Variants in AIFM3 observed in about 807,000 individuals in gnomAD.
The protein encoded by AIFM3 is apoptosis-inducing factor 3.
A neutral mutation model predicts 82.7 loss-of-function variants in AIFM3; 71 were observed. That is an observed-to-expected ratio of 0.86 (90% CI 0.71 to 1.05). The LOEUF is 1.05. Ranked by LOEUF, AIFM3 falls within the 50% of genes least tolerant of loss-of-function variation. The probability of loss-of-function intolerance (pLI) is 0.00; values close to 1 mark genes in which losing one functional copy is unlikely to be tolerated. For synonymous variants in AIFM3, 337 were observed against 329.1 expected (o/e 1.02, Z -0.26); for missense variants, 748 against 816.7 (o/e 0.92, Z 1.03).
intron 17 of AIFM3, 57 bp from the exon 18 acceptor site, chr22:20,979,569 TG>T: frequency 1.3e-6 from 2 of 1,596,898 alleles, no homozygotes; most frequent in South Asian, 2.2e-5. Context: ...GGGGATCCTG[TG>T]ACGTCTCGTT....
rs149749799 is a variant in AIFM3, at chr22:20,973,788, G to A, written c.276G>A (p.Lys92=). Residue 92 remains lysine, a synonymous_variant, in exon 4 of 21, where the codon AAG becomes AAA. Transcript: ENST00000440238. ...QMREVELGWG[K]VLLVKDNGEF... is the part of the protein sequence containing the mutation. ...GGGAAGTGGAGCTGGGCTGGGGGAA[G>A]GTGTTGCTGGTGAAGGACAATGGGG... 1.6e-4 allele frequency: 258 copies of A among 1,581,376 alleles called. No individual in the cohort carries two copies. The African/African-American group carries it at 3.3e-3, about 20-fold the overall frequency.
chr22:20,973,323 G>A lies in AIFM3; in HGVS notation c.48G>A (p.Glu16=). Residue 16 remains glutamate (E), a synonymous_variant, in exon 3 of 21, where the codon GAG becomes GAA. Coordinates refer to ENST00000440238, the MANE Select transcript of AIFM3 (RefSeq NM_001386814.1). ...SKPKPVELKI[E]VVLPEKERGK... ...TGCCCACAGTGGAGCTCAAGATCGA[G>A]GTGGTGCTGCCTGAGAAGGAGCGAG... is the stretch of plus-strand genomic sequence containing the variant. 1.3e-6 allele frequency: 2 copies of A among 1,594,168 alleles called. No homozygotes were observed. Among genetic ancestry groups the A allele is most frequent in the Non-Finnish European group, 1.7e-6 (2 of 1,170,854 alleles).
rs545876573 is a variant in AIFM3 at position 20,974,831 on chromosome 22, G to A, written c.720+15G>A. The A allele has an allele frequency of 2.5e-6, 4 of 1,610,758 alleles. No homozygotes were observed. The highest frequency in any genetic ancestry group is 3.3e-5 in the Admixed American group (2 of 59,986). ...AGCTCAGCAAGGTACAGGGGGTGGG[G>A]CAAGTAGGGACCCTATCCCTCTGGG... is the stretch of plus-strand genomic sequence containing the variant. On this transcript the variant is annotated intron_variant, in intron 8 of 20. Coordinates refer to ENST00000440238, the MANE Select transcript of AIFM3 (RefSeq NM_001386814.1).
chr22:20,968,524 C>A (rs963161827), intron 2 of AIFM3, among the ~76,000 whole-genome samples: 1 of 152,126 alleles, frequency 6.6e-6, no homozygotes, highest in Non-Finnish European at 1.5e-5. Flanking sequence ...GGGCACACTT[C>A]CCCATTTATA....
Position 20,974,889 on chromosome 22 carries a change from C to T in AIFM3, c.720+73C>T, listed in dbSNP as rs1601705169. The T allele has an allele frequency of 4.7e-6, 7 of 1,503,966 alleles. No homozygotes were observed. The East Asian group carries it at 1.1e-4, about 25-fold the overall frequency. The allele number at this position is 1,503,966 out of a possible 1,614,324, so 93.2% of individuals were successfully genotyped here. ...TAAGCCCACTTCAAGCCTTGCTTGTCACCCCATTGGGGTCTGGCCGGCTGC... is the reference window on the plus strand; with the variant it reads ...TAAGCCCACTTCAAGCCTTGCTTGTTACCCCATTGGGGTCTGGCCGGCTGC... On this transcript the variant is annotated intron_variant, in intron 8 of 20. Transcript: ENST00000440238.
At chr22:20,973,256 G>A in intron 2 of AIFM3, 51 bp from the exon 3 acceptor site, 1 of 1,545,282 alleles carries the variant, frequency 6.5e-7, no homozygotes, top group African/African-American at 1.4e-5. Context: ...TTGAGGGATG[G>A]GGGAGGAAGT....
intron 16 of AIFM3, among the ~76,000 whole-genome samples, chr22:20,978,835 G>T (rs2147949316): frequency 6.6e-6 from 1 of 152,118 alleles, no homozygotes; most frequent in Admixed American, 6.5e-5. Context: ...GGTCTACTGG[G>T]GCCTCATAGG....
intron 6 of AIFM3, 41 bp downstream of exon 6, chr22:20,974,337 G>T (rs531417896): frequency 6.2e-7 from 1 of 1,606,334 alleles, no homozygotes; most frequent in African/African-American, 1.3e-5. Flanking sequence ...GGGAGGAGCC[G>T]GGAGGGCATC....
chr22:20,978,104 A>T, intron 16 of AIFM3, 99 bp downstream of exon 16: 1 of 858,806 alleles, frequency 1.2e-6, no homozygotes, highest in South Asian at 1.5e-5. Flanking sequence ...GGTCCTGGAC[A>T]CTGTTAGGCA....
At chr22:20,978,624 T>C (rs1376220998) in intron 16 of AIFM3, among the ~76,000 whole-genome samples, 1 of 152,008 alleles carries the variant, frequency 6.6e-6, no homozygotes, top group Non-Finnish European at 1.5e-5. Context: ...AAAGGACTTC[T>C]CTGCACCCAT....
In AIFM3 at chr22:20,977,200, AC is replaced by A. The variant is rs577512026; in HGVS notation, c.1282+107del. 488 of 1,487,790 alleles carry A rather than the reference AC, an allele frequency of 3.3e-4. 6 individuals carry two copies. In the South Asian group the frequency reaches 5.6e-3, roughly 17 times the overall value. The allele number at this position is 1,487,790 out of a possible 1,614,324, so 92.2% of individuals were successfully genotyped here. On this transcript the variant is annotated intron_variant, in intron 14 of 20. Coordinates refer to ENST00000440238, the MANE Select transcript of AIFM3 (RefSeq NM_001386814.1). ...TTCCCCTCCCAGAGCCTCAGTTTCC[AC>A]CACATCTGTCAAATGGGAACCCCCA...
intron 2 of AIFM3, 122 bp downstream of exon 2, chr22:20,968,097 C>A: frequency 1.0e-6 from 1 of 997,376 alleles, no homozygotes; most frequent in Non-Finnish European, 1.5e-6. Flanking sequence ...ATCCAAGAAC[C>A]CGCTCGGAAT....
At chr22:20,968,046 T>G in intron 2 of AIFM3, 71 bp downstream of exon 2, 5 of 1,372,568 alleles carry the variant, frequency 3.6e-6, no homozygotes, top group South Asian at 2.7e-5. Context: ...CTCCCCCCCC[T>G]CCCCCTCTGC....
intron 2 of AIFM3, among the ~76,000 whole-genome samples, chr22:20,970,520 G>A (rs1293621139): frequency 6.6e-6 from 1 of 152,076 alleles, no homozygotes; most frequent in Non-Finnish European, 1.5e-5. Context: ...GAGTGCAATG[G>A]CTTGATCTTG....
At position 20,977,310 on chromosome 22, in the gene AIFM3, G is replaced by A. The variant is rs573935231; in HGVS notation, c.1282+215G>A. The A allele has an allele frequency of 3.1e-4, 198 of 642,902 alleles. 2 individuals are homozygous for A. In the Middle Eastern group the frequency reaches 6.0e-3, roughly 19 times the overall value. 39.8% of individuals were successfully genotyped at this position (642,902 alleles called of 1,614,324 possible). ...GGCACAGTGGATGCTCCCAGTGCCCGCTGCCCAGTAACACTCATCTCCATG... is the reference window on the plus strand; with the variant it reads ...GGCACAGTGGATGCTCCCAGTGCCCACTGCCCAGTAACACTCATCTCCATG... On this transcript the variant is annotated intron_variant, in intron 14 of 20. Transcript: ENST00000440238.
In AIFM3 at chr22:20,979,379, G is replaced by A. The variant is rs773938418; in HGVS notation, c.1576+10G>A. The A allele has an allele frequency of 3.2e-6, 5 of 1,550,264 alleles. No homozygotes were observed. The highest frequency in any genetic ancestry group is 2.0e-5 in the Admixed American group (1 of 51,064). ...AGCCTGCGCTACGCGGGTAACCCCG[G>A]GGCCTCGGATGGGGGCGGGGCCGAG... On this transcript the variant is annotated intron_variant, in intron 17 of 20. Coordinates refer to ENST00000440238, the MANE Select transcript of AIFM3 (RefSeq NM_001386814.1).
At chr22:20,979,764 C>A in intron 18 of AIFM3, 62 bp downstream of exon 18, 1 of 1,586,360 alleles carries the variant, frequency 6.3e-7, no homozygotes, top group South Asian at 1.1e-5. Flanking sequence ...AAGGGGGATT[C>A]ATCCCAGGCA....
chr22:20,975,946 G>A lies in AIFM3; in HGVS notation c.807+168G>A, dbSNP rs531743352. Among the ~76,000 whole-genome samples, 16 of 152,370 alleles carry A rather than the reference G, an allele frequency of 1.1e-4. No homozygotes were observed. The Middle Eastern group carries it at 0.01, about 97-fold the overall frequency. On this transcript the variant is annotated intron_variant, in intron 9 of 20. Coordinates refer to ENST00000440238, the MANE Select transcript of AIFM3 (RefSeq NM_001386814.1). ...ACAGCAAGGAGCTTTTTCCTGATGG[G>A]TCATAGGCACACACAGAGCCCCACG... is the stretch of plus-strand genomic sequence containing the variant.
chr22:20,971,879 T>C (rs1465740830), intron 2 of AIFM3, among the ~76,000 whole-genome samples: 1 of 150,646 alleles, frequency 6.6e-6, no homozygotes, highest in Non-Finnish European at 1.5e-5. Context: ...TGCAAAAGTA[T>C]AAAGAAGAAA....
Sources: allele counts gnomAD v4.1 joint callset (sites outside exome capture counted in the v4.1 genomes callset), GRCh38; gene constraint gnomAD v4.1.1; transcripts MANE v1.5; gene names NCBI Gene and HGNC (gene_info 2026-07-23, HGNC 2026-07-21).